Variants in ANKS6 observed in about 807,000 individuals in gnomAD.
ANKS6 encodes the protein ankyrin repeat and sterile alpha motif domain containing 6, also known as ankyrin repeat and SAM domain-containing protein 6.
Under a neutral mutation model 77.9 loss-of-function variants are expected in ANKS6, and 47 were observed. The observed-to-expected ratio is 0.60, with a 90% confidence interval of 0.48 to 0.77. The LOEUF (loss-of-function observed/expected upper bound fraction) is 0.77, where lower values mean the gene tolerates loss of function less well. Ranked by LOEUF, ANKS6 falls within the 30% of genes least tolerant of loss-of-function variation. The pLI, the probability that ANKS6 is intolerant of heterozygous loss-of-function variation, is 0.00. For missense variants in ANKS6, 1,150 were observed against 1,159.1 expected (o/e 0.99, Z 0.11); for synonymous variants, 488 against 501.7 (o/e 0.97, Z 0.37).
At chr9:98,779,326 C>T (rs181738822) in intron 6 of ANKS6, among the ~76,000 whole-genome samples, 1 of 152,312 alleles carries the variant, frequency 6.6e-6, no homozygotes, top group African/African-American at 2.4e-5. Context: ...AGGAAGCTGG[C>T]AGGGCCTGTG....
intron 10 of ANKS6, among the ~76,000 whole-genome samples, chr9:98,770,370 T>A (rs959596593): frequency 5.9e-5 from 9 of 152,182 alleles, no homozygotes; most frequent in African/African-American, 2.2e-4. Flanking sequence ...AACAGACTAA[T>A]ACAGTGGCCT....
At chr9:98,771,090 C>T (rs1253453902) in intron 9 of ANKS6, 44 bp from the exon 10 acceptor site, 2 of 1,456,358 alleles carry the variant, frequency 1.4e-6, no homozygotes, top group Admixed American at 4.6e-5. Context: ...GGCTGCTCCT[C>T]CCTCCAGCCG....
intron 11 of ANKS6, among the ~76,000 whole-genome samples, chr9:98,765,805 TATTCCACC>T (rs1564197791): frequency 6.6e-6 from 1 of 152,206 alleles, no homozygotes; most frequent in African/African-American, 2.4e-5. Context: ...GCCTTGTGGA[TATTCCACC>T]ATTACAGCGA....
intron 13 of ANKS6, among the ~76,000 whole-genome samples, chr9:98,747,982 A>T (rs919872006): frequency 1.3e-5 from 2 of 152,162 alleles, no homozygotes; most frequent in African/African-American, 4.8e-5. Flanking sequence ...CCCTCTTCCC[A>T]GATGCCCTTC....
intron 11 of ANKS6, among the ~76,000 whole-genome samples, chr9:98,765,171 A>G (rs967414781): frequency 1.3e-5 from 2 of 152,224 alleles, no homozygotes; most frequent in African/African-American, 4.8e-5. Context: ...AGAATCTCTG[A>G]TAAAGCAGGA....
At chr9:98,784,412 G>A (rs1834452433) in intron 3 of ANKS6, 1 of 422,578 alleles carries the variant, frequency 2.4e-6, no homozygotes, top group Non-Finnish European at 4.1e-6. Flanking sequence ...TGTCTTCAGA[G>A]AACGGATGAA....
intron 2 of ANKS6, among the ~76,000 whole-genome samples, chr9:98,785,673 G>T (rs1337104288): frequency 6.6e-6 from 1 of 152,126 alleles, no homozygotes; most frequent in African/African-American, 2.4e-5. Flanking sequence ...CTGAAGGCAG[G>T]CCTTCTGCAG....
chr9:98,772,756 G>A (rs1421833849), intron 9 of ANKS6, among the ~76,000 whole-genome samples: 1 of 152,140 alleles, frequency 6.6e-6, no homozygotes, highest in Non-Finnish European at 1.5e-5. Context: ...ACTCCACTGG[G>A]GAGAAAACTC....
chr9:98,762,248 C>G (rs1833057573), intron 11 of ANKS6, among the ~76,000 whole-genome samples: 1 of 152,104 alleles, frequency 6.6e-6, no homozygotes, highest in South Asian at 2.1e-4. Flanking sequence ...TAGAGAAATA[C>G]AGCTGACTTC....
At chr9:98,771,362 G>A (rs556446310) in intron 9 of ANKS6, among the ~76,000 whole-genome samples, 1 of 152,312 alleles carries the variant, frequency 6.6e-6, no homozygotes, top group South Asian at 2.1e-4. Flanking sequence ...AACCCACGGA[G>A]GCCTCAGCAC....
At chr9:98,763,434 G>A (rs1833115806) in intron 11 of ANKS6, among the ~76,000 whole-genome samples, 1 of 151,954 alleles carries the variant, frequency 6.6e-6, no homozygotes, top group Admixed American at 6.6e-5. Context: ...AAAATATTTT[G>A]AATGGAATTA....
intron 4 of ANKS6, among the ~76,000 whole-genome samples, chr9:98,783,354 A>T (rs1485071588): frequency 2.0e-5 from 3 of 152,210 alleles, no homozygotes; most frequent in African/African-American, 4.8e-5. Flanking sequence ...TGATCACCTA[A>T]AAGAGGGCAA....
In ANKS6 at chr9:98,777,450, A is replaced by G. The variant is rs1187270683; in HGVS notation, c.1572T>C (p.Pro524=). 1.9e-6 allele frequency: 3 copies of G among 1,614,228 alleles called. No homozygotes were observed. In the South Asian group the frequency reaches 3.3e-5, roughly 18 times the overall value. Residue 524 remains proline (P), a synonymous_variant, in exon 8 of 15, where the codon CCT becomes CCC. Transcript: ENST00000353234. ...CTTCCTTTTCTCCTCTTGTGCTCCC[A>G]GGACCTGAGAGACAAATGGAAATTT... ...DAAPVTKDNG[P]GSTRGEKEDT...
chr9:98,789,333 G>A (rs1411989094), intron 2 of ANKS6, among the ~76,000 whole-genome samples: 2 of 150,482 alleles, frequency 1.3e-5, no homozygotes, highest in Non-Finnish European at 2.9e-5. Context: ...ATTGCAAACC[G>A]TGCATTAAAG....
At chr9:98,783,139 GGGGAGGGGAGA>G (rs1290482798) in intron 4 of ANKS6, among the ~76,000 whole-genome samples, 4 of 150,710 alleles carry the variant, frequency 2.7e-5, no homozygotes, top group African/African-American at 9.8e-5. Flanking sequence ...GGGAGGGGAG[GGGGAGGGGAGA>G]GGAGACAAAA....
In ANKS6 at chr9:98,736,247, A is replaced by G. The variant is rs1248363014; in HGVS notation, c.*272T>C. 4 of 1,270,452 alleles carry G rather than the reference A, an allele frequency of 3.1e-6. No homozygotes were observed. The highest frequency in any genetic ancestry group is 4.0e-6 in the Non-Finnish European group (4 of 1,008,958). 78.7% of individuals were successfully genotyped at this position (1,270,452 alleles called of 1,614,324 possible). On this transcript the variant is annotated 3_prime_UTR_variant, in exon 15 of 15. Transcript: ENST00000353234. ...CGGGGAGGGCAGAGCACAGGATGAAAGGAGCTGAGTCCCTGCATCACTGTG... is the reference window on the plus strand; with the variant it reads ...CGGGGAGGGCAGAGCACAGGATGAAGGGAGCTGAGTCCCTGCATCACTGTG...
rs1340901069 is a variant in ANKS6, at chr9:98,778,361, C to G, written c.1432G>C (p.Gly478Arg). 1.2e-6 allele frequency: 2 copies of G among 1,614,152 alleles called. No homozygotes were observed. Among genetic ancestry groups the G allele is most frequent in the East Asian group, 2.2e-5 (1 of 44,876 alleles). ...KLKLMQTLPRGLSSNQPLPFS... is the reference protein window; with the variant it reads ...KLKLMQTLPRRLSSNQPLPFS... ...GGCAAAGGCTGGTTGCTGGACAGCC[C>G]ACGGGGCAGCGTCTGCATCAGTTTG... The change falls in exon 7 of 15, where the codon GGG becomes CGG. Residue 478 changes from glycine to arginine, a missense_variant. Gly to Arg is a moderately radical substitution (Grantham distance 125). Coordinates refer to ENST00000353234, the MANE Select transcript of ANKS6 (RefSeq NM_173551.5).
chr9:98,743,965 G>A (rs576631886), intron 14 of ANKS6, among the ~76,000 whole-genome samples: 8 of 152,184 alleles, frequency 5.3e-5, no homozygotes, highest in South Asian at 2.1e-4. Flanking sequence ...AGATCTGCCC[G>A]CCTCTGACAA....
At chr9:98,780,129 C>T in intron 6 of ANKS6, 60 bp downstream of exon 6, 1 of 1,599,324 alleles carries the variant, frequency 6.3e-7, no homozygotes. Flanking sequence ...AGGCAGCAGG[C>T]TCCCCGCCAG....
Sources: allele counts gnomAD v4.1 joint callset (sites outside exome capture counted in the v4.1 genomes callset), GRCh38; gene constraint gnomAD v4.1.1; transcripts MANE v1.5; gene names NCBI Gene and HGNC (gene_info 2026-07-23, HGNC 2026-07-21).